The following RAD51B variants were observed in gnomAD, a reference collection of about 807,000 sequenced individuals.
The protein encoded by RAD51B is RAD51 paralog B.
RAD51B carries 38 observed loss-of-function variants against 42.2 expected under a neutral mutation model. That is an observed-to-expected ratio of 0.90 (90% CI 0.70 to 1.18). RAD51B has a LOEUF of 1.18. Among genes scored for constraint, RAD51B ranks in the 50% most tolerant of loss-of-function variants. The pLI, the probability that RAD51B is intolerant of heterozygous loss-of-function variation, is 0.00. For synonymous variants in RAD51B, 154 were observed against 145.2 expected (o/e 1.06, Z -0.43); for missense variants, 373 against 400.7 (o/e 0.93, Z 0.59).
intron 2 of RAD51B, 126 bp from the exon 3 acceptor site, chr14:67,825,338 T>G: frequency 1.7e-6 from 1 of 583,616 alleles, no homozygotes; most frequent in Non-Finnish European, 2.9e-6. Flanking sequence ...AATGAATGTA[T>G]AAATCTTTGA....
chr14:67,899,393 C>A (rs1308903787), intron 7 of RAD51B, among the ~76,000 whole-genome samples: 1 of 152,094 alleles, frequency 6.6e-6, no homozygotes, highest in African/African-American at 2.4e-5. Flanking sequence ...GAAATATCTT[C>A]TTAAAAGTGA....
chr14:68,048,585 T>G (rs2140413410), intron 7 of RAD51B, among the ~76,000 whole-genome samples: 1 of 152,350 alleles, frequency 6.6e-6, no homozygotes, highest in African/African-American at 2.4e-5. Flanking sequence ...GTCTAACATT[T>G]AAGTCTTTAA....
At chr14:68,000,855 G>A (rs1473082246) in intron 7 of RAD51B, among the ~76,000 whole-genome samples, 1 of 152,058 alleles carries the variant, frequency 6.6e-6, no homozygotes, top group Non-Finnish European at 1.5e-5. Flanking sequence ...ACCATTATTT[G>A]GAAGTCTGTT....
At chr14:68,344,366 C>CGA (rs1445152566) in intron 8 of RAD51B, among the ~76,000 whole-genome samples, 15 of 152,332 alleles carry the variant, frequency 9.8e-5, no homozygotes, top group African/African-American at 2.4e-4. Flanking sequence ...TAATGACTGC[C>CGA]GCCGAGCGTA....
In RAD51B at chr14:68,266,555, A is replaced by G. The variant is rs573917947; in HGVS notation, c.757-25329A>G. On this transcript the variant is annotated intron_variant, in intron 7 of 10. Coordinates refer to ENST00000471583, the MANE Select transcript of RAD51B (RefSeq NM_133510.4). The stretch of plus-strand genomic sequence containing the variant: ...ACCTTCCTGTTTCTGTGGTTTTCCA[A>G]TGTCCTTTAGCTTAAAATGCTTGGT... Among the ~76,000 whole-genome samples the G allele has an allele frequency of 9.2e-5, 14 of 152,330 alleles. No homozygotes were observed. In the South Asian group the frequency reaches 1.0e-3, roughly 11 times the overall value.
intron 9 of RAD51B, among the ~76,000 whole-genome samples, chr14:68,458,347 G>A (rs1257226285): frequency 6.6e-6 from 1 of 152,062 alleles, no homozygotes. Flanking sequence ...TGTTTGAAAA[G>A]GTTCATAATA....
Position 68,005,140 on chromosome 14 carries a change from G to T in RAD51B, c.756+117936G>T, listed in dbSNP as rs151244529. Among the ~76,000 whole-genome samples the T allele has an allele frequency of 1.6e-4, 21 of 130,604 alleles. No homozygotes were observed. The East Asian group carries it at 4.5e-3, about 28-fold the overall frequency. 85.7% of individuals were successfully genotyped at this position (130,604 alleles called of 152,430 possible). ...CAGATCTCAGCTCACTGCAACCTCC[G>T]CATCCCACGTTCAAACAATTCTCCT... On this transcript the variant is annotated intron_variant, in intron 7 of 10. Coordinates refer to ENST00000471583, the MANE Select transcript of RAD51B (RefSeq NM_133510.4).
At chr14:68,388,091 T>TA (rs1193895216) in intron 8 of RAD51B, among the ~76,000 whole-genome samples, 2 of 138,836 alleles carry the variant, frequency 1.4e-5, no homozygotes, top group Admixed American at 7.0e-5. Flanking sequence ...TATATATATA[T>TA]ATATTTTTTT....
intron 10 of RAD51B, among the ~76,000 whole-genome samples, chr14:68,577,829 G>A (rs545105054): frequency 6.6e-6 from 1 of 152,168 alleles, no homozygotes; most frequent in East Asian, 1.9e-4. Flanking sequence ...CCTACCTGCC[G>A]TGGTGTACAT....
chr14:68,643,864 A>G (rs1220408275), intron 10 of RAD51B, among the ~76,000 whole-genome samples: 2 of 151,978 alleles, frequency 1.3e-5, no homozygotes, highest in Non-Finnish European at 2.9e-5. Flanking sequence ...AGGAGAGAGG[A>G]GTGGTCATGA....
intron 3 of RAD51B, among the ~76,000 whole-genome samples, chr14:67,827,404 G>T (rs1448071418): frequency 6.6e-6 from 1 of 151,082 alleles, no homozygotes; most frequent in Non-Finnish European, 1.5e-5. Flanking sequence ...TTCTCCTATG[G>T]TTTACATTCA....
intron 5 of RAD51B, among the ~76,000 whole-genome samples, chr14:67,871,335 A>G (rs2042523890): frequency 6.6e-6 from 1 of 152,252 alleles, no homozygotes; most frequent in African/African-American, 2.4e-5. Context: ...TAGAAAATCT[A>G]GAAGAAATGG....
intron 10 of RAD51B, among the ~76,000 whole-genome samples, chr14:68,512,334 T>C (rs1885789183): frequency 1.3e-5 from 2 of 152,348 alleles, no homozygotes; most frequent in Admixed American, 6.5e-5. Flanking sequence ...GGTCTCTCCG[T>C]CTGTTTCTCA....
chr14:68,153,785 G>T (rs77097495), intron 7 of RAD51B, among the ~76,000 whole-genome samples: 1 of 151,900 alleles, frequency 6.6e-6, no homozygotes, highest in East Asian at 1.9e-4. Context: ...TATTCATGGC[G>T]GCCTACTTCC....
At chr14:68,371,379 G>A (rs184035634) in intron 8 of RAD51B, among the ~76,000 whole-genome samples, 59 of 152,320 alleles carry the variant, frequency 3.9e-4, no homozygotes, top group African/African-American at 1.3e-3. Context: ...TTAGCTGGGC[G>A]TGGTGGTGCA....
At chr14:68,670,943 C>G (rs953199355) in intron 11 of RAD51B, among the ~76,000 whole-genome samples, 2 of 152,194 alleles carry the variant, frequency 1.3e-5, no homozygotes, top group Non-Finnish European at 2.9e-5. Context: ...GGCTCACAGA[C>G]CCTCCAAGGA....
chr14:68,331,393 T>C (rs7160221), intron 8 of RAD51B, among the ~76,000 whole-genome samples: 107,364 of 130,018 alleles, frequency 0.83, 44,821 homozygotes, highest in East Asian at 0.99. Flanking sequence ...AAAGCAATGG[T>C]GTTGGCATTA....
intron 7 of RAD51B, among the ~76,000 whole-genome samples, chr14:68,253,159 G>A (rs1172495701): frequency 6.6e-6 from 1 of 151,256 alleles, no homozygotes; most frequent in East Asian, 1.9e-4. Context: ...ATATAAAGAA[G>A]AAATAAAAAT....
intron 7 of RAD51B, among the ~76,000 whole-genome samples, chr14:68,072,063 T>TAATA (rs1566622781): frequency 4.4e-5 from 4 of 90,674 alleles, no homozygotes; most frequent in Middle Eastern, 7.0e-3. Context: ...TTATATATAT[T>TAATA]TATATAAATA....
Sources: gnomAD v4.1 joint callset for allele counts (sites outside exome capture counted in the v4.1 genomes callset) on GRCh38, gnomAD v4.1.1 for gene constraint, MANE v1.5 for transcripts, NCBI Gene and HGNC (gene_info 2026-07-23, HGNC 2026-07-21) for gene names.